Variants in PTPRN2 observed in about 807,000 individuals in gnomAD.
The protein encoded by PTPRN2 is protein tyrosine phosphatase receptor type N2, also known as receptor-type tyrosine-protein phosphatase N2.
In PTPRN2, 74 loss-of-function variants were observed where a neutral mutation model predicts 118.8. That is an observed-to-expected ratio of 0.62 (90% confidence interval 0.52 to 0.76). PTPRN2 has a LOEUF of 0.76. Ranked by LOEUF, PTPRN2 falls within the 30% of genes least tolerant of loss-of-function variation. PTPRN2 has a pLI of 0.00. For missense variants in PTPRN2, 1,481 were observed against 1,394.4 expected (o/e 1.06, Z -0.99); for synonymous variants, 641 against 608.0 (o/e 1.05, Z -0.80).
rs564431764 is a variant in PTPRN2 at position 158,149,871 on chromosome 7, T to G, written c.911-11356A>C. Among the ~76,000 whole-genome samples the G allele has an allele frequency of 2.0e-5, 3 of 151,900 alleles. No individual in the cohort carries two copies. The East Asian group carries it at 5.8e-4, about 29-fold the overall frequency. ...AACAAAAAAATTACTGTGGAATTTT[T>G]GGGATCTAAGTTATGCTGAACAAAA... is the stretch of plus-strand genomic sequence containing the variant. On this transcript the variant is annotated intron_variant, in intron 6 of 22. Transcript: ENST00000389418.
intron 5 of PTPRN2, among the ~76,000 whole-genome samples, chr7:158,184,250 A>G (rs1181045784): frequency 6.6e-6 from 1 of 152,310 alleles, no homozygotes; most frequent in East Asian, 1.9e-4. Context: ...ACACATGACC[A>G]TGTATATATC....
At chr7:158,301,395 A>G (rs1214775330) in intron 3 of PTPRN2, among the ~76,000 whole-genome samples, 1 of 152,182 alleles carries the variant, frequency 6.6e-6, no homozygotes, top group Non-Finnish European at 1.5e-5. Flanking sequence ...GAACAGATGT[A>G]TTTATTCAGA....
At chr7:158,457,480 C>T (rs112445573) in intron 2 of PTPRN2, among the ~76,000 whole-genome samples, 4 of 151,702 alleles carry the variant, frequency 2.6e-5, no homozygotes, top group Admixed American at 1.3e-4. Context: ...AGTCAGCACA[C>T]GGTGAGGGGC....
intron 12 of PTPRN2, among the ~76,000 whole-genome samples, chr7:157,772,224 GACACACACACATAC>G (rs1343301370): frequency 6.8e-6 from 1 of 146,670 alleles, no homozygotes; most frequent in Non-Finnish European, 1.5e-5. Context: ...CATAGACACA[GACACACACACATAC>G]ACACAGACAC....
chr7:157,591,993 A>G lies in PTPRN2; in HGVS notation c.2496+3245T>C, dbSNP rs550184435. 5.9e-5 allele frequency among the ~76,000 whole-genome samples: 9 copies of G among 152,304 alleles called. No individual in the cohort carries two copies. The South Asian group carries it at 1.9e-3, about 32-fold the overall frequency. On this transcript the variant is annotated intron_variant, in intron 17 of 22. Transcript: ENST00000389418. The surrounding 1 kb of genome is among the most constrained non-coding windows in gnomAD (Gnocchi z 4.4). ...AGAACATCCTGGGAGGGCTGAGGCT[A>G]CTGGCCATGAGCTCTTGTCTTAGAA...
chr7:158,136,960 A>G (rs950854412), intron 7 of PTPRN2, among the ~76,000 whole-genome samples: 1 of 151,438 alleles, frequency 6.6e-6, no homozygotes, highest in African/African-American at 2.4e-5. Flanking sequence ...TGGGGGTCTC[A>G]CGTGATCGAC....
intron 2 of PTPRN2, among the ~76,000 whole-genome samples, chr7:158,476,815 A>T (rs912497825): frequency 2.6e-5 from 4 of 152,248 alleles, no homozygotes; most frequent in African/African-American, 7.2e-5. Context: ...CCTTCCTCCC[A>T]GCAAACTTCT....
intron 12 of PTPRN2, among the ~76,000 whole-genome samples, chr7:157,817,160 A>C (rs536209189): frequency 6.6e-6 from 1 of 152,368 alleles, no homozygotes; most frequent in Non-Finnish European, 1.5e-5. Flanking sequence ...TCACACCAGC[A>C]GCTCTGATTT....
intron 2 of PTPRN2, among the ~76,000 whole-genome samples, chr7:158,331,695 C>T (rs1414259965): frequency 6.6e-6 from 1 of 150,542 alleles, no homozygotes; most frequent in Non-Finnish European, 1.5e-5. Context: ...GTGACACTTG[C>T]AGACGTCACT....
At chr7:157,701,586 C>T (rs1798067837) in intron 12 of PTPRN2, among the ~76,000 whole-genome samples, 1 of 152,190 alleles carries the variant, frequency 6.6e-6, no homozygotes, top group Admixed American at 6.5e-5. Context: ...GCGTCTCCTC[C>T]TGTCACTCAG....
At chr7:158,514,677 A>G (rs1014972764) in intron 1 of PTPRN2, among the ~76,000 whole-genome samples, 2 of 152,244 alleles carry the variant, frequency 1.3e-5, no homozygotes, top group Admixed American at 6.5e-5. Flanking sequence ...CACATCATCC[A>G]TCAACATGCA....
chr7:158,047,206 G>A (rs1808944473), intron 11 of PTPRN2, among the ~76,000 whole-genome samples: 1 of 152,218 alleles, frequency 6.6e-6, no homozygotes, highest in Non-Finnish European at 1.5e-5. Flanking sequence ...GTCCCCATGG[G>A]CAGGTTTAGC....
intron 2 of PTPRN2, among the ~76,000 whole-genome samples, chr7:158,392,572 C>CA (rs1235908685): frequency 1.9e-4 from 29 of 152,342 alleles, no homozygotes; most frequent in African/African-American, 6.7e-4. Context: ...CATGTGGGTG[C>CA]AGCCCTGTCC....
chr7:158,031,547 A>C (rs1018835006), intron 11 of PTPRN2, among the ~76,000 whole-genome samples: 3 of 152,246 alleles, frequency 2.0e-5, no homozygotes, highest in African/African-American at 7.2e-5. Context: ...TTACTTGTTA[A>C]ATGAAAAAAT....
At position 158,013,431 on chromosome 7, in the gene PTPRN2, GCCTT is replaced by G. The variant is rs113259111; in HGVS notation, c.1723+67863_1723+67866del. 3.5e-3 allele frequency among the ~76,000 whole-genome samples: 526 copies of G among 150,788 alleles called. 1 individual carries two copies. The highest frequency in any genetic ancestry group is 9.9e-3 in the African/African-American group (406 of 41,066). ...ATTTCTCCATCCATCCCTCCAGCCT[GCCTT>G]CCTTCCTTCCTTCCATCCACCCATC... On this transcript the variant is annotated intron_variant, in intron 11 of 22. Transcript: ENST00000389418.
chr7:157,862,210 C>T (rs1053492670), intron 12 of PTPRN2, among the ~76,000 whole-genome samples: 3 of 152,258 alleles, frequency 2.0e-5, no homozygotes, highest in East Asian at 1.9e-4. Context: ...CTTCACCAAG[C>T]GAACTGTGTC....
At chr7:157,980,849 G>T (rs1280546580) in intron 11 of PTPRN2, among the ~76,000 whole-genome samples, 3 of 152,190 alleles carry the variant, frequency 2.0e-5, no homozygotes, top group African/African-American at 7.2e-5. Flanking sequence ...CTTTAAGCCT[G>T]AGGAAACCCA....
chr7:158,443,045 T>TA (rs536101228), intron 2 of PTPRN2, among the ~76,000 whole-genome samples: 85,502 of 136,764 alleles, frequency 0.63, 26,262 homozygotes, highest in Admixed American at 0.69. Flanking sequence ...AAATAAGTAT[T>TA]AAAAAAAAAA....
At chr7:158,026,073 G>A (rs1398059434) in intron 11 of PTPRN2, among the ~76,000 whole-genome samples, 5 of 152,244 alleles carry the variant, frequency 3.3e-5, no homozygotes, top group African/African-American at 4.8e-5. Context: ...GGCCCATGCC[G>A]GGCCCCGTCG....
Sources: gnomAD v4.1 joint callset for allele counts (sites outside exome capture counted in the v4.1 genomes callset) on GRCh38, gnomAD v4.1.1 for gene constraint, Gnocchi (gnomAD v3.1) non-coding constraint, MANE v1.5 for transcripts, NCBI Gene and HGNC (gene_info 2026-07-23, HGNC 2026-07-21) for gene names.